PDE8A: variants seen among roughly 807,000 people sequenced by gnomAD.
PDE8A encodes the protein high affinity cAMP-specific and IBMX-insensitive 3',5'-cyclic phosphodiesterase 8A.
In PDE8A, 59 loss-of-function variants were observed where a neutral mutation model predicts 105.0. The ratio of observed to expected loss-of-function variants is 0.56; its 90% confidence interval spans 0.46 to 0.70. The LOEUF is 0.70. Among genes scored for constraint, PDE8A ranks in the 30% least tolerant of loss-of-function variants. The pLI, the probability that PDE8A is intolerant of heterozygous loss-of-function variation, is 0.00. For synonymous variants in PDE8A, 355 were observed against 371.9 expected (o/e 0.95, Z 0.52); for missense variants, 1,014 against 1,045.9 (o/e 0.97, Z 0.42).
intron 2 of PDE8A, among the ~76,000 whole-genome samples, chr15:85,066,583 AACACACACACACACACACACAC>A (rs57124766): frequency 0.023 from 2,745 of 117,016 alleles, 63 homozygotes; most frequent in East Asian, 0.033. Context: ...ATCCCCCCAA[AACACACACACACACACACACAC>A]ACACACACAC....
intron 19 of PDE8A, 53 bp from the exon 20 acceptor site, chr15:85,126,154 G>A (rs1174424378): frequency 2.9e-6 from 4 of 1,368,808 alleles, no homozygotes; most frequent in South Asian, 2.8e-5. Flanking sequence ...GTAAGAGAGG[G>A]CTTGGCACCA....
Position 85,123,137 on chromosome 15 carries a change from G to A in PDE8A, c.2029G>A (p.Val677Ile). The A allele has an allele frequency of 6.2e-7, 1 of 1,614,022 alleles. No homozygotes were observed. The highest frequency in any genetic ancestry group is 8.5e-7 in the Non-Finnish European group (1 of 1,179,926). ...ATEMTKHFEH[V>I]NKFVNSINKP... is the part of the protein sequence containing the mutation. ...AGAAATGACAAAGCACTTTGAGCATGTCAACAAATTTGTCAACAGCATCAA... is the reference window on the plus strand; with the variant it reads ...AGAAATGACAAAGCACTTTGAGCATATCAACAAATTTGTCAACAGCATCAA... The change falls in exon 19 of 22, where the codon GTC becomes ATC. Residue 677 changes from valine to isoleucine, a missense_variant. Transcript: ENST00000394553.
chr15:85,072,303 C>T (rs1301584365), intron 3 of PDE8A, among the ~76,000 whole-genome samples: 1 of 152,122 alleles, frequency 6.6e-6, no homozygotes, highest in Non-Finnish European at 1.5e-5. Flanking sequence ...ATTATGTGGC[C>T]TTTTTTCCAG....
At position 85,136,616 on chromosome 15, in the gene PDE8A, T is replaced by C. The variant is rs2082415216; in HGVS notation, c.2336T>C (p.Ile779Thr). Residue 779 changes from isoleucine to threonine, a missense_variant, in exon 21 of 22, where the codon ATC becomes ACC. By Grantham distance (89) the Ile-to-Thr change is moderately conservative. Coordinates refer to ENST00000394553, the MANE Select transcript of PDE8A (RefSeq NM_002605.3). Reference protein sequence around the residue: ...RNTCSIPKSQISFIDYFITDM... With the variant: ...RNTCSIPKSQTSFIDYFITDM... ...ACCTGCAGCATCCCCAAATCCCAAA[T>C]CTCTTTCATTGATTACTTCATCACA... 6.2e-7 allele frequency: 1 copy of C among 1,613,774 alleles called. No homozygotes were observed. The highest frequency in any genetic ancestry group is 8.5e-7 in the Non-Finnish European group (1 of 1,179,884).
chr15:85,009,743 A>C (rs2080210704), intron 1 of PDE8A, among the ~76,000 whole-genome samples: 1 of 152,222 alleles, frequency 6.6e-6, no homozygotes, highest in Non-Finnish European at 1.5e-5. Flanking sequence ...ACTGAAGTTG[A>C]AAATATGCAT....
intron 11 of PDE8A, among the ~76,000 whole-genome samples, chr15:85,107,651 A>G (rs540538215): frequency 6.6e-6 from 1 of 152,272 alleles, no homozygotes; most frequent in African/African-American, 2.4e-5. Flanking sequence ...CATGCTGTTC[A>G]GTGATCTGGG....
At chr15:85,112,049 TACTC>T (rs146970100) in intron 12 of PDE8A, among the ~76,000 whole-genome samples, 11,638 of 152,252 alleles carry the variant, frequency 0.076, 893 homozygotes, top group East Asian at 0.26. Context: ...TGGGTAAACT[TACTC>T]ACTGTAAAAG....
At position 85,115,935 on chromosome 15, in the gene PDE8A, AG is replaced by A. The variant is rs1256920074; in HGVS notation, c.1400-48del. ...ATTCCGTCTCAAAAAAAAAAAAAAA[AG>A]TTAATCCTTTAAAGCCTATTTGTTC... On this transcript the variant is annotated intron_variant, in intron 15 of 21. Transcript: ENST00000394553. 7.2e-6 allele frequency: 11 copies of A among 1,521,178 alleles called. No homozygotes were observed. In the East Asian group the frequency reaches 1.6e-4, roughly 22 times the overall value. 94.2% of individuals were successfully genotyped at this position (1,521,178 alleles called of 1,614,324 possible).
intron 8 of PDE8A, among the ~76,000 whole-genome samples, 192 bp downstream of exon 8, chr15:85,091,373 T>C (rs1180395073): frequency 1.3e-5 from 2 of 152,244 alleles, no homozygotes; most frequent in East Asian, 3.8e-4. Context: ...ATAATATGAT[T>C]AGCCAATAAG....
intron 3 of PDE8A, among the ~76,000 whole-genome samples, chr15:85,069,453 G>A (rs143313729): frequency 0.011 from 1,642 of 152,292 alleles, 20 homozygotes; most frequent in Non-Finnish European, 0.018. Context: ...CTCTTCCCCA[G>A]AATGGACTTC....
intron 1 of PDE8A, among the ~76,000 whole-genome samples, chr15:85,015,626 T>C (rs752170612): frequency 2.0e-5 from 3 of 152,222 alleles, no homozygotes; most frequent in Non-Finnish European, 4.4e-5. Context: ...TTGTGATATC[T>C]CACTATGGTT....
intron 6 of PDE8A, among the ~76,000 whole-genome samples, chr15:85,085,237 G>A (rs1353048962): frequency 6.6e-6 from 1 of 152,150 alleles, no homozygotes; most frequent in African/African-American, 2.4e-5. Context: ...CCAGCTGGCA[G>A]CCAAATTATG....
intron 1 of PDE8A, among the ~76,000 whole-genome samples, chr15:85,039,913 G>A (rs1249376980): frequency 6.6e-6 from 1 of 152,152 alleles, no homozygotes; most frequent in Non-Finnish European, 1.5e-5. Context: ...AGAGTAGAAT[G>A]ATAATTACCA....
chr15:85,047,507 T>G (rs927105163), intron 1 of PDE8A, among the ~76,000 whole-genome samples: 3 of 152,196 alleles, frequency 2.0e-5, no homozygotes, highest in Admixed American at 2.0e-4. Flanking sequence ...TGCAATCTAG[T>G]TAAGTAAATA....
chr15:85,122,223 C>T (rs893880026), intron 18 of PDE8A, among the ~76,000 whole-genome samples: 2 of 152,146 alleles, frequency 1.3e-5, no homozygotes, highest in African/African-American at 2.4e-5. Flanking sequence ...TGTGTAATGT[C>T]TGATTAGATT....
chr15:85,017,922 T>C (rs942011667), intron 1 of PDE8A, among the ~76,000 whole-genome samples: 1 of 134,522 alleles, frequency 7.4e-6, no homozygotes, highest in African/African-American at 2.8e-5. Flanking sequence ...GGAAATTATG[T>C]GGAGAAAGTT....
intron 1 of PDE8A, among the ~76,000 whole-genome samples, chr15:85,043,039 T>C (rs2080834581): frequency 6.6e-6 from 1 of 152,172 alleles, no homozygotes; most frequent in Non-Finnish European, 1.5e-5. Flanking sequence ...GCAGTCAGGA[T>C]GCTAGTAGTG....
chr15:85,007,897 A>G (rs1041941924), intron 1 of PDE8A, among the ~76,000 whole-genome samples: 2 of 152,180 alleles, frequency 1.3e-5, no homozygotes, highest in African/African-American at 2.4e-5. Flanking sequence ...GTATGGCCAT[A>G]CAGTGGTGCC....
intron 3 of PDE8A, among the ~76,000 whole-genome samples, chr15:85,070,530 A>G (rs577242765): frequency 3.3e-5 from 5 of 152,292 alleles, no homozygotes; most frequent in African/African-American, 9.6e-5. Flanking sequence ...TCGCAAGAGG[A>G]TACTTGAGTT....
Sources: allele counts gnomAD v4.1 joint callset (sites outside exome capture counted in the v4.1 genomes callset), GRCh38; gene constraint gnomAD v4.1.1; transcripts MANE v1.5; gene names NCBI Gene and HGNC (gene_info 2026-07-23, HGNC 2026-07-21).